IPP: variants seen among roughly 807,000 people sequenced by gnomAD.
The protein encoded by IPP is actin-binding protein IPP.
Under a neutral mutation model 64.1 loss-of-function variants are expected in IPP, and 41 were observed. That is an observed-to-expected ratio of 0.64 (90% CI 0.50 to 0.83). The LOEUF (loss-of-function observed/expected upper bound fraction) is 0.83. Ranked by LOEUF, IPP falls within the 40% of genes least tolerant of loss-of-function variation. The probability of loss-of-function intolerance (pLI) is 0.00; values close to 1 mark genes in which losing one functional copy is unlikely to be tolerated. For missense variants in IPP, 649 were observed against 703.0 expected (o/e 0.92, Z 0.87); for synonymous variants, 214 against 235.2 (o/e 0.91, Z 0.83).
In IPP at chr1:45,741,214, C is replaced by G. The variant is rs1365088923; in HGVS notation, c.411G>C (p.Leu137=). The change falls in exon 3 of 9, where the codon CTG becomes CTC. Residue 137 remains leucine, a synonymous_variant. Coordinates refer to ENST00000396478, the MANE Select transcript of IPP (RefSeq NM_005897.3). ...CEFLKGQIDP[L]NCIGIFQFSE... ...AGAACTGAAAAATTCCAATGCAGTT[C>G]AGTGGATCAATTTGTCCTTTCAGAA... 4.3e-6 allele frequency: 7 copies of G among 1,614,164 alleles called. No individual in the cohort carries two copies. The highest frequency in any genetic ancestry group is 5.9e-6 in the Non-Finnish European group (7 of 1,180,024).
At chr1:45,709,230 G>A (rs886800403) in intron 8 of IPP, among the ~76,000 whole-genome samples, 2 of 146,472 alleles carry the variant, frequency 1.4e-5, no homozygotes, top group Non-Finnish European at 1.5e-5. Flanking sequence ...TCAGGAGCTC[G>A]AGACCATCCT....
At chr1:45,709,588 T>C (rs979498212) in intron 8 of IPP, among the ~76,000 whole-genome samples, 39 of 151,578 alleles carry the variant, frequency 2.6e-4, no homozygotes, top group African/African-American at 9.0e-4. Context: ...TTCACGCCTG[T>C]AATCCCAACA....
intron 8 of IPP, 37 bp from the exon 9 acceptor site, chr1:45,700,227 T>C: frequency 6.3e-7 from 1 of 1,576,638 alleles, no homozygotes; most frequent in Non-Finnish European, 8.6e-7. Flanking sequence ...GTTAGCAGTG[T>C]TATGAAATGA....
intron 8 of IPP, among the ~76,000 whole-genome samples, chr1:45,713,599 C>A (rs61784803): frequency 0.72 from 108,570 of 151,822 alleles, 38,954 homozygotes; most frequent in African/African-American, 0.76. Flanking sequence ...GGGTCTCTTG[C>A]TGTTACCGAG....
chr1:45,726,090 A>T (rs182565020), intron 5 of IPP, among the ~76,000 whole-genome samples: 1,512 of 148,956 alleles, frequency 0.01, 12 homozygotes, highest in East Asian at 0.02. Flanking sequence ...ATCAATAAAA[A>T]AAATAAATAA....
chr1:45,719,509 G>C (rs936857283), intron 5 of IPP, among the ~76,000 whole-genome samples, 169 bp from the exon 6 acceptor site: 4 of 152,104 alleles, frequency 2.6e-5, no homozygotes, highest in Non-Finnish European at 5.9e-5. Flanking sequence ...TTTGAATCTA[G>C]AGCACTGTCA....
chr1:45,746,536 T>C, intron 1 of IPP, 75 bp from the exon 2 acceptor site: 1 of 633,844 alleles, frequency 1.6e-6, no homozygotes, highest in South Asian at 2.0e-5. Context: ...TAAGAAGCAT[T>C]CTCTATACTT....
At position 45,716,903 on chromosome 1, in the gene IPP, T is replaced by C; in HGVS notation, c.1301A>G (p.Glu434Gly). 1 of 1,609,458 alleles carries C rather than the reference T, an allele frequency of 6.2e-7. No individual in the cohort carries two copies. The change falls in exon 7 of 9, where the codon GAA (glutamate) becomes GGA (glycine). Residue 434 changes from glutamate to glycine, a missense_variant. By Grantham distance (98) the Glu-to-Gly change is moderately conservative. Transcript: ENST00000396478. ...AVSRYYFGCC[E>G]MQGLIYVIGG... ...TTTTATAAAGTGATTACCTTGCATT[T>C]CACAGCACCCAAAGTAGTAGCGTGA... is the stretch of plus-strand genomic sequence containing the variant.
In IPP at chr1:45,719,212, A is replaced by G; in HGVS notation, c.1177T>C (p.Tyr393His). The stretch of plus-strand genomic sequence containing the variant: ...TGAACAACATAATTACCCAAAGCAT[A>G]GATAGCCCCATAACACACACACACT... ...LGVCVCYGAIYALGGWVGAEI... is the reference protein window; with the variant it reads ...LGVCVCYGAIHALGGWVGAEI... Residue 393 changes from tyrosine to histidine, a missense_variant, in exon 6 of 9, where the codon TAT becomes CAT. Coordinates refer to ENST00000396478, the MANE Select transcript of IPP (RefSeq NM_005897.3). 1 of 1,614,080 alleles carries G rather than the reference A, an allele frequency of 6.2e-7. No individual in the cohort carries two copies. The highest frequency in any genetic ancestry group is 8.5e-7 in the Non-Finnish European group (1 of 1,179,980).
chr1:45,719,491 A>G, intron 5 of IPP, 151 bp from the exon 6 acceptor site: 1 of 554,424 alleles, frequency 1.8e-6, no homozygotes, highest in East Asian at 3.1e-5. Flanking sequence ...TTGCCTGTCA[A>G]GCAGTATTTT....
At chr1:45,732,361 C>CAAAAA (rs779442718) in intron 3 of IPP, among the ~76,000 whole-genome samples, 15,036 of 59,416 alleles carry the variant, frequency 0.25, 2,138 homozygotes, top group East Asian at 0.31. Context: ...GACTCCACCT[C>CAAAAA]AAAAAAAAAA....
Position 45,750,640 on chromosome 1 carries a change from G to C in IPP, c.-94C>G, listed in dbSNP as rs890320868. ...TCCGGCGCCCGCTCAGGCCCTGCGC[G>C]CGCAGTCGCGACCAGCCCCGGCCGG... On this transcript the variant is annotated 5_prime_UTR_variant, in exon 1 of 9. Transcript: ENST00000396478. The C allele has an allele frequency of 6.6e-6, 1 of 152,480 alleles. No individual in the cohort carries two copies. The highest frequency in any genetic ancestry group is 1.5e-5 in the Non-Finnish European group (1 of 68,236). 9.4% of individuals were successfully genotyped at this position (152,480 alleles called of 1,614,324 possible).
At position 45,741,004 on chromosome 1, in the gene IPP, C is replaced by A; in HGVS notation, c.621G>T (p.Trp207Cys). The change falls in exon 3 of 9, where the codon TGG (tryptophan) becomes TGT (cysteine). Residue 207 changes from tryptophan (W) to cysteine (C), a missense_variant. Transcript: ENST00000396478. ...EYQVFLAAMQWILKDLGKRRK... is the reference protein window; with the variant it reads ...EYQVFLAAMQCILKDLGKRRK... ...TTCTTTTTCCCAAATCTTTCAGAAT[C>A]CATTGCATTGCAGCTAAGAAGACCT... 1 of 1,614,002 alleles carries A rather than the reference C, an allele frequency of 6.2e-7. No individual in the cohort carries two copies. The highest frequency in any genetic ancestry group is 8.5e-7 in the Non-Finnish European group (1 of 1,179,886).
chr1:45,746,343 G>A lies in IPP; in HGVS notation c.69C>T (p.Ile23=). 1 of 1,613,940 alleles carries A rather than the reference G, an allele frequency of 6.2e-7. No homozygotes were observed. The part of the protein sequence containing the change: ...PFSSDKHAQL[I]LAQINKMRNG... The stretch of plus-strand genomic sequence containing the variant: ...TTCTCATCTTATTGATTTGGGCCAA[G>A]ATGAGTTGGGCATGTTTATCTGATG... Residue 23 remains isoleucine, a synonymous_variant, in exon 2 of 9, where the codon ATC becomes ATT. Transcript: ENST00000396478.
chr1:45,695,708 T>C (rs935600079), downstream of IPP, among the ~76,000 whole-genome samples: 15 of 152,012 alleles, frequency 9.9e-5, no homozygotes, highest in Non-Finnish European at 1.5e-4. Flanking sequence ...TCACTCTTGT[T>C]GCCCAGGCTG....
intron 1 of IPP, among the ~76,000 whole-genome samples, 200 bp downstream of exon 1, chr1:45,750,397 C>T (rs1346135320): frequency 6.6e-6 from 1 of 152,092 alleles, no homozygotes; most frequent in African/African-American, 2.4e-5. Flanking sequence ...GAGGCAGGAG[C>T]GGTCCGGACG....
downstream of IPP, chr1:45,698,672 A>G: frequency 4.1e-6 from 4 of 974,998 alleles, no homozygotes; most frequent in Non-Finnish European, 4.9e-6. Flanking sequence ...CCAAACAGAT[A>G]ATTTTGGTGA....
At chr1:45,735,473 T>TGC (rs1645966118) in intron 3 of IPP, among the ~76,000 whole-genome samples, 1 of 134,876 alleles carries the variant, frequency 7.4e-6, no homozygotes, top group African/African-American at 2.9e-5. Flanking sequence ...TTGCTTTTTT[T>TGC]TTTTTTTTTT....
intron 2 of IPP, among the ~76,000 whole-genome samples, chr1:45,743,904 C>G (rs1303264020): frequency 2.0e-5 from 3 of 151,544 alleles, no homozygotes; most frequent in Non-Finnish European, 2.9e-5. Flanking sequence ...ATAATCCCAG[C>G]TACTTGGGAG....
Sources: allele counts gnomAD v4.1 joint callset (sites outside exome capture counted in the v4.1 genomes callset), GRCh38; gene constraint gnomAD v4.1.1; transcripts MANE v1.5; gene names NCBI Gene and HGNC (gene_info 2026-07-23, HGNC 2026-07-21).